UNC13C: variants seen among roughly 807,000 people sequenced by gnomAD.
UNC13C encodes the protein protein unc-13 homolog C.
In UNC13C, 174 loss-of-function variants were observed where a neutral mutation model predicts 245.4. The observed-to-expected ratio is 0.71, with a 90% confidence interval of 0.63 to 0.80. The LOEUF (loss-of-function observed/expected upper bound fraction) is 0.80. UNC13C is among the 30% of genes least tolerant of loss of function. UNC13C has a pLI of 0.00. For synonymous variants in UNC13C, 992 were observed against 895.1 expected (o/e 1.11, Z -1.93); for missense variants, 2,829 against 2,602.9 (o/e 1.09, Z -1.89).
chr15:54,212,669 CTGTT>C (rs1348912596), intron 4 of UNC13C, among the ~76,000 whole-genome samples: 1 of 152,032 alleles, frequency 6.6e-6, no homozygotes, highest in African/African-American at 2.4e-5. Context: ...AGATCTATGT[CTGTT>C]TGTTTGTTTT....
chr15:53,854,418 C>T, the UNC13C span, among the ~76,000 whole-genome samples: 1 of 151,796 alleles, frequency 6.6e-6, no homozygotes, highest in South Asian at 2.1e-4. Flanking sequence ...CATGCCTGGC[C>T]AAGTTTTGGG....
intron 7 of UNC13C, among the ~76,000 whole-genome samples, chr15:54,242,545 C>A (rs1314099138): frequency 6.6e-6 from 1 of 152,038 alleles, no homozygotes; most frequent in Non-Finnish European, 1.5e-5. Context: ...GGAAATTTCT[C>A]TGGCTTTGCT....
chr15:54,221,166 C>T lies in UNC13C; in HGVS notation c.3072-13864C>T, dbSNP rs765509422. On this transcript the variant is annotated intron_variant, in intron 4 of 32. Coordinates refer to ENST00000260323, the MANE Select transcript of UNC13C (RefSeq NM_001080534.3). ...AAGTCTATGTCATACATAGATTTTT[C>T]GTGTCAGTTTATGAGGGACCTAAAT... Among the ~76,000 whole-genome samples, 13 of 151,976 alleles carry T rather than the reference C, an allele frequency of 8.6e-5. 1 individual carries two copies. The South Asian group carries it at 1.7e-3, about 19-fold the overall frequency.
intron 24 of UNC13C, among the ~76,000 whole-genome samples, chr15:54,515,048 T>C (rs1440671376): frequency 6.6e-6 from 1 of 152,192 alleles, no homozygotes; most frequent in Non-Finnish European, 1.5e-5. Flanking sequence ...AGGGGCATGT[T>C]TTGGCATAAC....
chr15:54,358,795 T>C (rs1438034263), intron 17 of UNC13C, among the ~76,000 whole-genome samples: 1 of 152,108 alleles, frequency 6.6e-6, no homozygotes, highest in African/African-American at 2.4e-5. Flanking sequence ...CCAATTTGGA[T>C]GCCCTTTATC....
At chr15:54,550,557 T>G (rs886134083) in intron 28 of UNC13C, among the ~76,000 whole-genome samples, 1 of 152,172 alleles carries the variant, frequency 6.6e-6, no homozygotes. Context: ...ACAAAATGTA[T>G]AATTATTTAC....
At chr15:54,185,130 T>G (rs1179055363) in intron 4 of UNC13C, among the ~76,000 whole-genome samples, 1 of 152,186 alleles carries the variant, frequency 6.6e-6, no homozygotes, top group African/African-American at 2.4e-5. Context: ...TTTTTTTTCT[T>G]GTAAATTTGT....
At chr15:54,456,475 T>C (rs1323179380) in intron 19 of UNC13C, among the ~76,000 whole-genome samples, 1 of 152,102 alleles carries the variant, frequency 6.6e-6, no homozygotes, top group Non-Finnish European at 1.5e-5. Flanking sequence ...GTCCTACCCA[T>C]CCATGAGCAT....
At position 54,445,815 on chromosome 15, in the gene UNC13C, G is replaced by T. The variant is rs967775872; in HGVS notation, c.4933+30748G>T. Among the ~76,000 whole-genome samples the T allele has an allele frequency of 3.9e-5, 6 of 152,116 alleles. No homozygotes were observed. The East Asian group carries it at 5.8e-4, about 15-fold the overall frequency. Reference sequence around the variant, plus strand: ...AGTTTAATTGGATCCCATTTGTCAAGTTTGGCTTTTGTTGCCATTGCTTTT... The same window carrying T: ...AGTTTAATTGGATCCCATTTGTCAATTTTGGCTTTTGTTGCCATTGCTTTT... On this transcript the variant is annotated intron_variant, in intron 19 of 32. Transcript: ENST00000260323.
chr15:54,027,502 T>C (rs1896163724), intron 2 of UNC13C, among the ~76,000 whole-genome samples: 1 of 152,220 alleles, frequency 6.6e-6, no homozygotes, highest in African/African-American at 2.4e-5. Flanking sequence ...CCCAAGTAGC[T>C]GGGATTACAG....
chr15:54,608,114 T>C (rs1899872553), intron 30 of UNC13C, among the ~76,000 whole-genome samples: 1 of 152,216 alleles, frequency 6.6e-6, no homozygotes, highest in Non-Finnish European at 1.5e-5. Context: ...AAATCATGTC[T>C]ATGTATTCCA....
At chr15:54,097,865 A>T (rs1318133882) in intron 2 of UNC13C, among the ~76,000 whole-genome samples, 3 of 152,228 alleles carry the variant, frequency 2.0e-5, no homozygotes, top group Admixed American at 2.0e-4. Context: ...AAGTATTGTG[A>T]TGGGAACAAC....
the UNC13C span, among the ~76,000 whole-genome samples, chr15:53,890,866 A>G: frequency 1.3e-5 from 2 of 151,366 alleles, no homozygotes; most frequent in African/African-American, 4.9e-5. Context: ...TATCTCCTTC[A>G]GTTCTGCTCT....
chr15:54,508,157 C>G (rs1364847532), intron 23 of UNC13C, among the ~76,000 whole-genome samples: 1 of 148,492 alleles, frequency 6.7e-6, no homozygotes, highest in Non-Finnish European at 1.5e-5. Flanking sequence ...ATTGATTATA[C>G]TCAAAAAGCA....
chr15:54,324,929 T>C (rs1399870116), intron 14 of UNC13C, among the ~76,000 whole-genome samples: 1 of 152,072 alleles, frequency 6.6e-6, no homozygotes, highest in Non-Finnish European at 1.5e-5. Context: ...CAATACAAAT[T>C]CGTAAACTTT....
At chr15:53,838,467 A>G in the UNC13C span, among the ~76,000 whole-genome samples, 1 of 152,048 alleles carries the variant, frequency 6.6e-6, no homozygotes, top group Non-Finnish European at 1.5e-5. Context: ...GCTCCCTTCT[A>G]GATTTAACTT....
chr15:54,142,897 T>C lies in UNC13C; in HGVS notation c.2984-121T>C, dbSNP rs1011734867. On this transcript the variant is annotated intron_variant, in intron 2 of 32. Coordinates refer to ENST00000260323, the MANE Select transcript of UNC13C (RefSeq NM_001080534.3). The stretch of plus-strand genomic sequence containing the variant: ...ACCCTTGGGCTCAACCTTGAAACTC[T>C]GTTTATTTATAATTTTAAACAATGT... The C allele has an allele frequency of 1.9e-5, 17 of 876,634 alleles. No homozygotes were observed. The African/African-American group carries it at 2.8e-4, about 15-fold the overall frequency. 54.3% of individuals were successfully genotyped at this position (876,634 alleles called of 1,614,324 possible).
chr15:54,621,373 T>C lies in UNC13C; in HGVS notation c.6107-954T>C, dbSNP rs1214627409. Among the ~76,000 whole-genome samples the C allele has an allele frequency of 4.6e-5, 7 of 152,216 alleles. 1 individual carries two copies. Among genetic ancestry groups the C allele is most frequent in the Admixed American group, 4.6e-4 (7 of 15,264 alleles). ...ACTTTTGTAGCATAATAATTCATTA[T>C]AGTTTATAATAGCAAGGAATTAAAC... On this transcript the variant is annotated intron_variant, in intron 30 of 32. Coordinates refer to ENST00000260323, the MANE Select transcript of UNC13C (RefSeq NM_001080534.3).
chr15:54,187,655 C>T (rs2034039732), intron 4 of UNC13C, among the ~76,000 whole-genome samples: 2 of 152,088 alleles, frequency 1.3e-5, no homozygotes, highest in Admixed American at 6.6e-5. Context: ...ACCTCGGTGA[C>T]AACATGATTT....
Sources: gnomAD v4.1 joint callset for allele counts (sites outside exome capture counted in the v4.1 genomes callset) on GRCh38, gnomAD v4.1.1 for gene constraint, MANE v1.5 for transcripts, NCBI Gene and HGNC (gene_info 2026-07-23, HGNC 2026-07-21) for gene names.